The following PTGR2 variants were observed in gnomAD, a reference collection of about 807,000 sequenced individuals.
The protein encoded by PTGR2 is 15-oxoprostaglandin 13-reductase.
In PTGR2, 32 loss-of-function variants were observed where a neutral mutation model predicts 43.4. The ratio of observed to expected loss-of-function variants is 0.74; its 90% CI spans 0.56 to 0.99. PTGR2 has a LOEUF of 0.99. Among genes scored for constraint, PTGR2 ranks in the 50% least tolerant of loss-of-function variants. PTGR2 has a pLI of 0.00. For missense variants in PTGR2, 373 were observed against 420.0 expected, an observed-to-expected ratio of 0.89 and a Z score of 0.98; for synonymous variants, 106 against 139.2, an observed-to-expected ratio of 0.76 and a Z score of 1.68.
chr14:73,879,702 T>A, intron 6 of PTGR2: 1 of 293,296 alleles, frequency 3.4e-6, no homozygotes, highest in South Asian at 4.1e-5. Context: ...TTATAAAATA[T>A]CAACATGAGG....
chr14:73,857,418 G>A (rs575090751), intron 1 of PTGR2, among the ~76,000 whole-genome samples: 36 of 151,738 alleles, frequency 2.4e-4, no homozygotes, highest in Admixed American at 7.2e-4. Flanking sequence ...TTCAAGACCC[G>A]CCTGGCCAAC....
chr14:73,854,467 TATTA>T (rs1442079916), intron 1 of PTGR2, among the ~76,000 whole-genome samples: 1 of 152,234 alleles, frequency 6.6e-6, no homozygotes, highest in Non-Finnish European at 1.5e-5. Flanking sequence ...AATTATCCTA[TATTA>T]ATTGTAGTAT....
intron 1 of PTGR2, among the ~76,000 whole-genome samples, chr14:73,856,413 A>ATT (rs34887856): frequency 1.7e-4 from 25 of 150,488 alleles, no homozygotes; most frequent in Admixed American, 2.7e-4. Context: ...CCCACCGGCT[A>ATT]TTTTTTTTTG....
chr14:73,851,970 G>A (rs8020630), intron 1 of PTGR2, 27 bp downstream of exon 1: 61,910 of 152,048 alleles, frequency 0.41, 13,111 homozygotes, highest in Non-Finnish European at 0.46. Context: ...CGGCTCCCGC[G>A]ACTGTGGCTC....
intron 4 of PTGR2, 84 bp from the exon 5 acceptor site, chr14:73,876,914 T>G: frequency 3.0e-6 from 3 of 993,152 alleles, no homozygotes; most frequent in Non-Finnish European, 4.5e-6. Context: ...GGGGACGCAA[T>G]TCAGTCCATA....
chr14:73,884,655 T>C lies in PTGR2; in HGVS notation c.*478T>C, dbSNP rs1190225828. On this transcript the variant is annotated 3_prime_UTR_variant, in exon 10 of 10. Transcript: ENST00000555661. ...AAAAATAGAATTGAGATGGCCTTTT[T>C]TTCACATTGTAGACTGAAAAGAGAC... 1 of 154,298 alleles carries C rather than the reference T, an allele frequency of 6.5e-6. No individual in the cohort carries two copies. The highest frequency in any genetic ancestry group is 1.4e-5 in the Non-Finnish European group (1 of 69,902). The allele number at this position is 154,298 out of a possible 1,614,324, so 9.6% of individuals were successfully genotyped here.
chr14:73,879,041 T>G (rs142103558), intron 5 of PTGR2, 55 bp from the exon 6 acceptor site: 1 of 1,446,454 alleles, frequency 6.9e-7, no homozygotes, highest in African/African-American at 1.4e-5. Flanking sequence ...CTGGTACATT[T>G]TTACATTTAA....
At chr14:73,853,278 C>T (rs1377611770) in intron 1 of PTGR2, among the ~76,000 whole-genome samples, 1 of 151,980 alleles carries the variant, frequency 6.6e-6, no homozygotes, top group Non-Finnish European at 1.5e-5. Context: ...ACAAGTTGGG[C>T]GACTCTGGGC....
rs748344130 is a variant in PTGR2, at chr14:73,874,131, A to G, written c.265A>G (p.Asn89Asp). ...AATTATAGAAGAAAGCAAACACACA[A>G]ATTTGACTAAAGGCGATTTTGTGAC... The part of the protein sequence containing the change: ...IGIIEESKHT[N>D]LTKGDFVTSF... The change falls in exon 4 of 10, where the codon AAT becomes GAT. Residue 89 changes from asparagine to aspartate, a missense_variant. By Grantham distance (23) the Asn-to-Asp change is conservative. Coordinates refer to ENST00000555661, the MANE Select transcript of PTGR2 (RefSeq NM_001146154.2). The G allele has an allele frequency of 6.2e-7, 1 of 1,613,908 alleles. No individual in the cohort carries two copies. Among genetic ancestry groups the G allele is most frequent in the African/African-American group, 1.3e-5 (1 of 74,920 alleles).
intron 3 of PTGR2, among the ~76,000 whole-genome samples, chr14:73,863,577 G>A (rs1595353557): frequency 1.3e-5 from 2 of 149,220 alleles, no homozygotes; most frequent in South Asian, 2.1e-4. Context: ...GATGAGTTCT[G>A]TTTTATCTTT....
intron 3 of PTGR2, among the ~76,000 whole-genome samples, chr14:73,867,502 TAA>T (rs35088714): frequency 6.7e-6 from 1 of 148,798 alleles, no homozygotes; most frequent in Non-Finnish European, 1.5e-5. Flanking sequence ...TTTCTGTCTT[TAA>T]AAAAAAAAGA....
intron 3 of PTGR2, among the ~76,000 whole-genome samples, chr14:73,868,731 G>A (rs1555350849): frequency 6.6e-6 from 1 of 151,508 alleles, no homozygotes; most frequent in Non-Finnish European, 1.5e-5. Flanking sequence ...TATACTCAAG[G>A]TTACCTACCC....
chr14:73,855,326 TATA>T (rs2054320699), intron 1 of PTGR2, among the ~76,000 whole-genome samples: 1 of 152,212 alleles, frequency 6.6e-6, no homozygotes, highest in Non-Finnish European at 1.5e-5. Context: ...TCATTTGCCA[TATA>T]ATGACGGTTC....
chr14:73,857,628 A>C (rs902632747), intron 1 of PTGR2, among the ~76,000 whole-genome samples: 15 of 144,680 alleles, frequency 1.0e-4, no homozygotes, highest in Admixed American at 9.8e-4. Context: ...TCCAAAAAAA[A>C]AATTTTTTTG....
chr14:73,855,288 G>A (rs956644394), intron 1 of PTGR2, among the ~76,000 whole-genome samples: 1 of 152,144 alleles, frequency 6.6e-6, no homozygotes, highest in Non-Finnish European at 1.5e-5. Flanking sequence ...TAGTGTTTAT[G>A]TTTAAATCTG....
rs773601999 is a variant in PTGR2, at chr14:73,874,136, G to T, written c.270G>T (p.Leu90Phe). Residue 90 changes from leucine (L) to phenylalanine (F), a missense_variant, in exon 4 of 10, where the codon TTG (leucine) becomes TTT (phenylalanine). Physicochemically the swap from Leu to Phe is conservative, Grantham distance 22. Transcript: ENST00000555661. ...TAGAAGAAAGCAAACACACAAATTT[G>T]ACTAAAGGCGATTTTGTGACTTCTT... ...GIIEESKHTNLTKGDFVTSFY... is the reference protein window; with the variant it reads ...GIIEESKHTNFTKGDFVTSFY... 1.2e-6 allele frequency: 2 copies of T among 1,613,838 alleles called. No individual in the cohort carries two copies. The highest frequency in any genetic ancestry group is 8.5e-7 in the Non-Finnish European group (1 of 1,179,948).
At chr14:73,881,860 T>C (rs6574148) in intron 8 of PTGR2, among the ~76,000 whole-genome samples, 1 of 145,894 alleles carries the variant, frequency 6.9e-6, no homozygotes, top group Non-Finnish European at 1.5e-5. Context: ...CTCGGCTCAC[T>C]GCAACCTCCG....
intron 3 of PTGR2, among the ~76,000 whole-genome samples, chr14:73,867,106 A>C (rs1275331605): frequency 2.9e-5 from 4 of 136,112 alleles, no homozygotes; most frequent in South Asian, 2.4e-4. Flanking sequence ...AAAAAAAAAA[A>C]AACAAAAAAA....
chr14:73,854,408 T>G (rs891805701), intron 1 of PTGR2, among the ~76,000 whole-genome samples: 1 of 152,214 alleles, frequency 6.6e-6, no homozygotes, highest in African/African-American at 2.4e-5. Context: ...AGCCAAGTTA[T>G]CTATATTTGA....
Sources: gnomAD v4.1 joint callset for allele counts (sites outside exome capture counted in the v4.1 genomes callset) on GRCh38, gnomAD v4.1.1 for gene constraint, MANE v1.5 for transcripts, NCBI Gene and HGNC (gene_info 2026-07-23, HGNC 2026-07-21) for gene names.